Variants in NPSR1 observed in about 807,000 individuals in gnomAD.
The protein encoded by NPSR1 is neuropeptide S receptor.
Under a neutral mutation model 46.9 loss-of-function variants are expected in NPSR1, and 48 were observed. The observed-to-expected ratio is 1.02, with a 90% CI of 0.81 to 1.30. NPSR1 has a LOEUF of 1.30. NPSR1 is among the 50% of genes most tolerant of loss of function. The pLI, the probability that NPSR1 is intolerant of heterozygous loss-of-function variation, is 0.00. For synonymous variants in NPSR1, 176 were observed against 168.1 expected (o/e 1.05, Z -0.36); for missense variants, 450 against 449.5 (o/e 1.00, Z -0.01).
chr7:34,792,810 G>A (rs991229191), intron 3 of NPSR1, among the ~76,000 whole-genome samples: 1 of 145,764 alleles, frequency 6.9e-6, no homozygotes, highest in Non-Finnish European at 1.5e-5. Flanking sequence ...CTTGAACCCG[G>A]GGTGTCAAGG....
At chr7:34,832,310 G>A (rs1790157360) in intron 5 of NPSR1, among the ~76,000 whole-genome samples, 1 of 152,154 alleles carries the variant, frequency 6.6e-6, no homozygotes, top group African/African-American at 2.4e-5. Context: ...TAGGCAGGTG[G>A]ACCTCTTGGG....
At chr7:34,843,779 G>A (rs1489083108) in intron 6 of NPSR1, among the ~76,000 whole-genome samples, 1 of 152,246 alleles carries the variant, frequency 6.6e-6, no homozygotes, top group African/African-American at 2.4e-5. Context: ...GAGCTGGGCA[G>A]TGCAGTGAAG....
chr7:34,685,572 G>C (rs17776082), intron 2 of NPSR1, among the ~76,000 whole-genome samples: 5 of 151,990 alleles, frequency 3.3e-5, no homozygotes, highest in African/African-American at 4.8e-5. Context: ...CTTTCAGAAA[G>C]GGCTATTTGG....
intron 2 of NPSR1, among the ~76,000 whole-genome samples, chr7:34,731,732 G>A (rs1042640608): frequency 1.3e-5 from 2 of 152,170 alleles, no homozygotes; most frequent in African/African-American, 4.8e-5. Context: ...ATGAGGGCCA[G>A]GAGCTGAGGG....
chr7:34,765,814 GC>G (rs1183227711), intron 2 of NPSR1, among the ~76,000 whole-genome samples: 2 of 152,154 alleles, frequency 1.3e-5, no homozygotes, highest in Non-Finnish European at 2.9e-5. Flanking sequence ...AAAACCAAAT[GC>G]CACATGTTCT....
chr7:34,786,034 A>G (rs1372160976), intron 3 of NPSR1, among the ~76,000 whole-genome samples: 4 of 152,146 alleles, frequency 2.6e-5, no homozygotes, highest in African/African-American at 9.7e-5. Context: ...AAAATCAGAC[A>G]ACAATAAAGT....
intron 3 of NPSR1, chr7:34,779,747 C>T (rs1419335118): frequency 1.5e-5 from 5 of 323,106 alleles, no homozygotes. Context: ...TAAATAAATG[C>T]TTTCAATTGC....
At chr7:34,810,915 G>A (rs1463104016) in intron 3 of NPSR1, among the ~76,000 whole-genome samples, 1 of 152,158 alleles carries the variant, frequency 6.6e-6, no homozygotes, top group African/African-American at 2.4e-5. Context: ...ATCCATCACA[G>A]GACATGGGAC....
At chr7:34,775,597 C>T (rs1562718259) in intron 2 of NPSR1, among the ~76,000 whole-genome samples, 1 of 151,992 alleles carries the variant, frequency 6.6e-6, no homozygotes, top group Non-Finnish European at 1.5e-5. Flanking sequence ...AATTTATTTA[C>T]AATTTATTTA....
At chr7:34,745,707 TCTCA>T (rs1785168274) in intron 2 of NPSR1, among the ~76,000 whole-genome samples, 1 of 152,076 alleles carries the variant, frequency 6.6e-6, no homozygotes, top group South Asian at 2.1e-4. Flanking sequence ...GGAGATAGGG[TCTCA>T]CTCTGTTGCC....
chr7:34,698,932 A>G (rs1793679685), intron 2 of NPSR1, among the ~76,000 whole-genome samples: 1 of 152,190 alleles, frequency 6.6e-6, no homozygotes, highest in Admixed American at 6.5e-5. Flanking sequence ...AATATAAAGG[A>G]AAATTTTCAA....
chr7:34,695,365 A>T (rs1793466304), intron 2 of NPSR1, among the ~76,000 whole-genome samples: 1 of 152,238 alleles, frequency 6.6e-6, no homozygotes, highest in African/African-American at 2.4e-5. Flanking sequence ...CTTAGGGAAA[A>T]AAACCTGGGA....
intron 2 of NPSR1, among the ~76,000 whole-genome samples, chr7:34,773,478 A>T (rs1317644459): frequency 6.6e-6 from 1 of 152,132 alleles, no homozygotes; most frequent in Non-Finnish European, 1.5e-5. Context: ...TGTGTTGACT[A>T]TGACTCAGAG....
At chr7:34,721,703 A>G (rs1783866948) in intron 2 of NPSR1, among the ~76,000 whole-genome samples, 1 of 152,232 alleles carries the variant, frequency 6.6e-6, no homozygotes, top group Non-Finnish European at 1.5e-5. Flanking sequence ...AAACATCTAC[A>G]GTTTTAAGAC....
At chr7:34,852,172 C>T (rs967467771), downstream of NPSR1, among the ~76,000 whole-genome samples, 7 of 151,988 alleles carry the variant, frequency 4.6e-5, no homozygotes, top group African/African-American at 1.2e-4. Flanking sequence ...TGGTGGCTGG[C>T]GCCTGTAGTC....
At chr7:34,762,374 A>G (rs1786220803) in intron 2 of NPSR1, among the ~76,000 whole-genome samples, 2 of 152,174 alleles carry the variant, frequency 1.3e-5, no homozygotes. Flanking sequence ...CCAGAATCAT[A>G]TTAATATTGT....
intron 1 of NPSR1, among the ~76,000 whole-genome samples, chr7:34,676,036 G>A (rs1792299910): frequency 6.6e-6 from 1 of 152,152 alleles, no homozygotes; most frequent in African/African-American, 2.4e-5. Context: ...GGGGTGGGTA[G>A]GGAGAATGCT....
intron 1 of NPSR1, among the ~76,000 whole-genome samples, chr7:34,672,778 A>G (rs1468902733): frequency 1.3e-5 from 2 of 152,190 alleles, no homozygotes; most frequent in East Asian, 3.9e-4. Flanking sequence ...GAGGTAAGGC[A>G]AAGGCAATTC....
rs181849539 is a variant in NPSR1 at position 34,685,732 on chromosome 7, C to G, written c.280+1048C>G. ...ACATTGTTAGTAACCTGAAATTCCC[C>G]TTTTTCTTTCTAACAAAGTATAACA... On this transcript the variant is annotated intron_variant, in intron 2 of 8. Coordinates refer to ENST00000360581, the MANE Select transcript of NPSR1 (RefSeq NM_207172.2). 2.1e-4 allele frequency: 88 copies of G among 420,474 alleles called. No homozygotes were observed. The East Asian group carries it at 2.5e-3, about 12-fold the overall frequency. The allele number at this position is 420,474 out of a possible 1,614,324, so 26.0% of individuals were successfully genotyped here. A position where few individuals can be genotyped will look rare whatever the true frequency, so the allele number is the denominator to read the frequency against.
Sources: allele counts gnomAD v4.1 joint callset (sites outside exome capture counted in the v4.1 genomes callset), GRCh38; gene constraint gnomAD v4.1.1; transcripts MANE v1.5; gene names NCBI Gene and HGNC (gene_info 2026-07-23, HGNC 2026-07-21).